The following IGF2BP2 variants were observed in gnomAD, a reference collection of about 807,000 sequenced individuals.
IGF2BP2 encodes the protein insulin-like growth factor 2 mRNA-binding protein 2.
In IGF2BP2, 17 loss-of-function variants were observed where a neutral mutation model predicts 75.8. That is an observed-to-expected ratio of 0.22 (90% CI 0.15 to 0.34). The LOEUF (loss-of-function observed/expected upper bound fraction) is 0.34, where lower values mean the gene tolerates loss of function less well. Among genes scored for constraint, IGF2BP2 ranks in the 10% least tolerant of loss-of-function variants. IGF2BP2 has a pLI of 1.00. For missense variants in IGF2BP2, 516 were observed against 772.4 expected, an observed-to-expected ratio of 0.67 and a Z score of 3.93; for synonymous variants, 288 against 295.6, an observed-to-expected ratio of 0.97 and a Z score of 0.26.
rs187823303 is a variant in IGF2BP2 at position 185,771,459 on chromosome 3, T to G, written c.239+51694A>C. On this transcript the variant is annotated intron_variant, in intron 2 of 15. Coordinates refer to ENST00000382199, the MANE Select transcript of IGF2BP2 (RefSeq NM_006548.6). The stretch of plus-strand genomic sequence containing the variant: ...CGTCTCAAAAAAAAAAAAAAAAGAA[T>G]CTAAATATAATCACTGTTTTAACTG... 2.0e-3 allele frequency among the ~76,000 whole-genome samples: 297 copies of G among 149,164 alleles called. 3 individuals carry two copies. The highest frequency in any genetic ancestry group is 3.3e-3 in the Non-Finnish European group (225 of 67,378).
intron 9 of IGF2BP2, among the ~76,000 whole-genome samples, chr3:185,673,887 T>C (rs1409901198): frequency 6.6e-6 from 1 of 152,198 alleles, no homozygotes; most frequent in Non-Finnish European, 1.5e-5. Context: ...TTCTGTAGCT[T>C]TTCCAGGTGT....
At chr3:185,795,446 T>C (rs1022381763) in intron 2 of IGF2BP2, among the ~76,000 whole-genome samples, 1 of 152,222 alleles carries the variant, frequency 6.6e-6, no homozygotes, top group African/African-American at 2.4e-5. Context: ...TGTACAAATA[T>C]CTGTTCTAGT....
Position 185,692,747 on chromosome 3 carries a change from T to C in IGF2BP2, c.356A>G (p.Glu119Gly), listed in dbSNP as rs766656943. 2 of 1,613,980 alleles carry C rather than the reference T, an allele frequency of 1.2e-6. No homozygotes were observed. The highest frequency in any genetic ancestry group is 1.7e-6 in the Non-Finnish European group (2 of 1,179,974). The change falls in exon 5 of 16, where the codon GAA (glutamate) becomes GGA (glycine). Residue 119 changes from glutamate to glycine, a missense_variant. Physicochemically the swap from Glu to Gly is moderately conservative, Grantham distance 98 (BLOSUM62 -2). Around this residue, in one of 3 missense-constraint regions of IGF2BP2, gnomAD observed 312 missense variants for 474.5 expected, o/e 0.66. Coordinates refer to ENST00000382199, the MANE Select transcript of IGF2BP2 (RefSeq NM_006548.6). ...ATATGTGACGTTGACAACGGCGGTT[T>C]CTGTGTCTGTGTTGACTAGGGAAAA... Reference protein sequence around the residue: ...ENVEQVNTDTETAVVNVTYAT... With the variant: ...ENVEQVNTDTGTAVVNVTYAT...
intron 2 of IGF2BP2, among the ~76,000 whole-genome samples, chr3:185,735,630 G>A (rs571655829): frequency 3.3e-5 from 5 of 152,272 alleles, no homozygotes; most frequent in Non-Finnish European, 5.9e-5. Context: ...GAGTTCCTCC[G>A]GGAGGAGATA....
rs924583420 is a variant in IGF2BP2, at chr3:185,672,624, T to C, written c.1117A>G (p.Ile373Val). The C allele has an allele frequency of 1.2e-6, 2 of 1,614,076 alleles. No homozygotes were observed. The highest frequency in any genetic ancestry group is 1.1e-5 in the South Asian group (1 of 91,070). The stretch of plus-strand genomic sequence containing the variant: ...AGCACGGACAGTCCTGTTGAAAAGA[T>C]GCCAAGTGCGCTGAGGTTCAACCCT... ...IPGLNLSALG[I>V]FSTGLSVLSP... Residue 373 changes from isoleucine to valine, a missense_variant, in exon 10 of 16, where the codon ATC (isoleucine) becomes GTC (valine). Physicochemically the swap from Ile to Val is conservative, Grantham distance 29. Around this residue, in one of 3 missense-constraint regions of IGF2BP2, gnomAD observed 312 missense variants for 474.5 expected, o/e 0.66. Coordinates refer to ENST00000382199, the MANE Select transcript of IGF2BP2 (RefSeq NM_006548.6).
chr3:185,652,014 A>C (rs1714681689), intron 13 of IGF2BP2, 80 bp downstream of exon 13: 1 of 1,134,126 alleles, frequency 8.8e-7, no homozygotes, highest in African/African-American at 1.5e-5. Context: ...TGGGCCTCCA[A>C]AGAAGAGCCT....
At chr3:185,780,627 T>C (rs879762795) in intron 2 of IGF2BP2, among the ~76,000 whole-genome samples, 1 of 152,148 alleles carries the variant, frequency 6.6e-6, no homozygotes, top group African/African-American at 2.4e-5. Flanking sequence ...CACAGAAAGG[T>C]AGCTTTTTTC....
intron 7 of IGF2BP2, among the ~76,000 whole-genome samples, chr3:185,677,068 T>TATATATAGATAGAGAGAGAG: frequency 2.8e-5 from 1 of 35,876 alleles, no homozygotes; most frequent in African/African-American, 1.6e-4. Flanking sequence ...TATATATATA[T>TATATATAGATAGAGAGAGAG]AGAGAGAGAG....
At chr3:185,665,908 A>C (rs1239895090) in intron 10 of IGF2BP2, among the ~76,000 whole-genome samples, 1 of 152,198 alleles carries the variant, frequency 6.6e-6, no homozygotes, top group African/African-American at 2.4e-5. Flanking sequence ...CGGAGGTTGC[A>C]GTGAGCCAAA....
intron 7 of IGF2BP2, among the ~76,000 whole-genome samples, chr3:185,683,690 T>C (rs989069736): frequency 2.0e-5 from 3 of 152,192 alleles, no homozygotes; most frequent in African/African-American, 7.2e-5. Context: ...ATTACAGGCA[T>C]GAGACACCAT....
At chr3:185,747,348 T>C (rs193243206) in intron 2 of IGF2BP2, among the ~76,000 whole-genome samples, 1 of 152,318 alleles carries the variant, frequency 6.6e-6, no homozygotes, top group African/African-American at 2.4e-5. Context: ...TTAAAGTCTT[T>C]GGTATTTAGG....
At chr3:185,765,677 C>T (rs554467512) in intron 2 of IGF2BP2, among the ~76,000 whole-genome samples, 1 of 152,318 alleles carries the variant, frequency 6.6e-6, no homozygotes, top group African/African-American at 2.4e-5. Context: ...GACCAGGCTG[C>T]TCCAAAGCAC....
At chr3:185,808,782 G>A (rs1055213596) in intron 2 of IGF2BP2, among the ~76,000 whole-genome samples, 4 of 151,544 alleles carry the variant, frequency 2.6e-5, no homozygotes, top group Admixed American at 6.6e-5. Flanking sequence ...TGGCCAGGCT[G>A]GTCTCAAATT....
Position 185,689,362 on chromosome 3 carries a change from G to T in IGF2BP2, c.670C>A (p.Gln224Lys). 1 of 1,613,070 alleles carries T rather than the reference G, an allele frequency of 6.2e-7. No homozygotes were observed. The highest frequency in any genetic ancestry group is 1.1e-5 in the South Asian group (1 of 90,994). The change falls in exon 6 of 16, where the codon CAG (glutamine) becomes AAG (lysine). Residue 224 changes from glutamine (Q) to lysine (K), a missense_variant. This residue lies in a region of IGF2BP2 where 312 missense variants were observed against 474.5 expected (regional missense o/e 0.66). Coordinates refer to ENST00000382199, the MANE Select transcript of IGF2BP2 (RefSeq NM_006548.6). ...AGCCCCACAGGCACGTACCGGGACTGGGTCTGCTTAGTGATGTTCTTTATG... is the reference window on the plus strand; with the variant it reads ...AGCCCCACAGGCACGTACCGGGACTTGGTCTGCTTAGTGATGTTCTTTATG... ...LTIKNITKQTQSRVDIHRKEN... is the reference protein window; with the variant it reads ...LTIKNITKQTKSRVDIHRKEN...
intron 2 of IGF2BP2, among the ~76,000 whole-genome samples, chr3:185,762,727 A>C (rs1290770502): frequency 3.3e-5 from 5 of 152,156 alleles, no homozygotes; most frequent in East Asian, 1.9e-4. Flanking sequence ...CTCTAGGAAG[A>C]AGCAGCCTTC....
At chr3:185,818,100 C>T (rs921837879) in intron 2 of IGF2BP2, among the ~76,000 whole-genome samples, 3 of 152,114 alleles carry the variant, frequency 2.0e-5, no homozygotes, top group East Asian at 1.9e-4. Flanking sequence ...TTCAATATAA[C>T]GCTTCTTCTA....
intron 2 of IGF2BP2, among the ~76,000 whole-genome samples, chr3:185,788,814 A>G (rs534255136): frequency 6.7e-6 from 1 of 149,846 alleles, no homozygotes; most frequent in South Asian, 2.1e-4. Context: ...TCCTGGGTTC[A>G]AAGTAATTCT....
chr3:185,645,471 T>C lies in IGF2BP2; in HGVS notation c.*60A>G. On this transcript the variant is annotated 3_prime_UTR_variant, in exon 16 of 16. Coordinates refer to ENST00000382199, the MANE Select transcript of IGF2BP2 (RefSeq NM_006548.6). The surrounding 1 kb of genome is among the most constrained non-coding windows in gnomAD (Gnocchi z 4.9). ...ATCTGGCTGGCTGCGTTTGGTCTCA[T>C]TCTGTCAGGTGTTGGAAGGGCTACA... 8.3e-7 allele frequency: 1 copy of C among 1,197,668 alleles called. No individual in the cohort carries two copies. Among genetic ancestry groups the C allele is most frequent in the Non-Finnish European group, 1.2e-6 (1 of 801,982 alleles). 74.2% of individuals were successfully genotyped at this position (1,197,668 alleles called of 1,614,324 possible). A position where few individuals can be genotyped will look rare whatever the true frequency, so the allele number is the denominator to read the frequency against.
chr3:185,730,178 T>C (rs985435837), intron 2 of IGF2BP2, among the ~76,000 whole-genome samples: 1 of 152,200 alleles, frequency 6.6e-6, no homozygotes, highest in African/African-American at 2.4e-5. Flanking sequence ...TTTATGTCTA[T>C]GTGTAGCCAC....
Sources: allele counts gnomAD v4.1 joint callset (sites outside exome capture counted in the v4.1 genomes callset), GRCh38; gene constraint gnomAD v4.1.1; regional missense constraint gnomAD v4.1.1; non-coding constraint Gnocchi (gnomAD v3.1); transcripts MANE v1.5; gene names NCBI Gene and HGNC (gene_info 2026-07-23, HGNC 2026-07-21).